KLF12: variants seen among roughly 807,000 people sequenced by gnomAD.
KLF12 encodes the protein Krueppel-like factor 12.
KLF12 carries 9 observed loss-of-function variants against 37.8 expected under a neutral mutation model. The ratio of observed to expected loss-of-function variants is 0.24; its 90% CI spans 0.14 to 0.42. The LOEUF is 0.42. KLF12 is among the 10% of genes least tolerant of loss of function. The pLI is 1.00. For synonymous variants in KLF12, 208 were observed against 202.1 expected, an observed-to-expected ratio of 1.03 and a Z score of -0.25; for missense variants, 411 against 516.0, an observed-to-expected ratio of 0.80 and a Z score of 1.97.
the KLF12 span, among the ~76,000 whole-genome samples, chr13:74,260,628 T>TAAAATAAAATAAAATAAAG: frequency 2.1e-5 from 3 of 139,992 alleles, no homozygotes; most frequent in Non-Finnish European, 4.6e-5. Context: ...TAAAATAAAA[T>TAAAATAAAATAAAATAAAG]AGTGAATTAA....
intron 2 of KLF12, 36 bp downstream of exon 2, chr13:73,994,954 T>C (rs1593814606): frequency 1.4e-6 from 2 of 1,402,848 alleles, no homozygotes; most frequent in South Asian, 1.2e-5. Flanking sequence ...AAAGTAGCAA[T>C]ATTTTCAATG....
chr13:74,107,940 T>G (rs927685939), intron 1 of KLF12, among the ~76,000 whole-genome samples: 1 of 152,224 alleles, frequency 6.6e-6, no homozygotes, highest in South Asian at 2.1e-4. Context: ...ATTAGACAAT[T>G]TGTCTTAGTA....
At chr13:74,209,407 A>T in the KLF12 span, among the ~76,000 whole-genome samples, 1 of 152,062 alleles carries the variant, frequency 6.6e-6, no homozygotes, top group Non-Finnish European at 1.5e-5. Context: ...ATTTTTAGCC[A>T]TTTCTGATTC....
At chr13:73,962,998 C>T (rs1891065050) in intron 2 of KLF12, among the ~76,000 whole-genome samples, 1 of 152,044 alleles carries the variant, frequency 6.6e-6, no homozygotes, top group Admixed American at 6.6e-5. Flanking sequence ...TTCTATCACC[C>T]CACATTACTT....
chr13:74,017,496 C>T (rs1286652273), intron 1 of KLF12, among the ~76,000 whole-genome samples: 1 of 151,254 alleles, frequency 6.6e-6, no homozygotes, highest in Non-Finnish European at 1.5e-5. Context: ...ACAGGATTAA[C>T]ACTGCCATAA....
At chr13:73,908,294 C>T (rs1332256342) in intron 3 of KLF12, among the ~76,000 whole-genome samples, 3 of 150,024 alleles carry the variant, frequency 2.0e-5, no homozygotes, top group Non-Finnish European at 3.0e-5. Context: ...CCAAGCTACT[C>T]GGGAGGCTGA....
chr13:74,039,645 G>T (rs1044469878), intron 1 of KLF12, among the ~76,000 whole-genome samples: 4 of 152,124 alleles, frequency 2.6e-5, no homozygotes, highest in Admixed American at 2.0e-4. Context: ...TGGCCTTAAA[G>T]ATTTATTACA....
chr13:74,052,821 C>A (rs1490796501), intron 1 of KLF12, among the ~76,000 whole-genome samples: 1 of 152,162 alleles, frequency 6.6e-6, no homozygotes, highest in Non-Finnish European at 1.5e-5. Context: ...GGCTCTCTCT[C>A]CCCTGTGTAT....
chr13:74,164,571 A>G, the KLF12 span, among the ~76,000 whole-genome samples: 1 of 152,218 alleles, frequency 6.6e-6, no homozygotes, highest in African/African-American at 2.4e-5. Flanking sequence ...AATTCCTGAG[A>G]TGTATGTTCT....
chr13:74,180,439 G>C, the KLF12 span, among the ~76,000 whole-genome samples: 1 of 152,246 alleles, frequency 6.6e-6, no homozygotes, highest in African/African-American at 2.4e-5. Flanking sequence ...TTAGCATTTG[G>C]CTTTCCTGAA....
chr13:74,206,868 A>G, the KLF12 span, among the ~76,000 whole-genome samples: 1 of 152,226 alleles, frequency 6.6e-6, no homozygotes, highest in East Asian at 1.9e-4. Flanking sequence ...AACATTTGGC[A>G]TCTGCCTCCT....
chr13:74,105,542 G>T (rs943508757), intron 1 of KLF12, among the ~76,000 whole-genome samples: 22 of 152,014 alleles, frequency 1.4e-4, no homozygotes, highest in Admixed American at 5.9e-4. Flanking sequence ...TCCTGAAAAG[G>T]TAAGCAAGGG....
At chr13:73,890,846 C>T (rs1465046670) in intron 3 of KLF12, among the ~76,000 whole-genome samples, 1 of 152,046 alleles carries the variant, frequency 6.6e-6, no homozygotes, top group Non-Finnish European at 1.5e-5. Flanking sequence ...TTCCTTAGTC[C>T]TTTTCTGCCT....
the KLF12 span, among the ~76,000 whole-genome samples, chr13:74,228,201 T>A: frequency 1.3e-5 from 2 of 152,176 alleles, no homozygotes; most frequent in African/African-American, 4.8e-5. Flanking sequence ...CTTCCTCTTC[T>A]ACATTTTGCT....
chr13:74,044,486 TA>T (rs374087642), intron 1 of KLF12, among the ~76,000 whole-genome samples: 17 of 150,760 alleles, frequency 1.1e-4, no homozygotes, highest in African/African-American at 3.2e-4. Flanking sequence ...GAAGTACAAT[TA>T]AAAAAAAATG....
chr13:74,137,205 C>T (rs979206434), upstream of KLF12, among the ~76,000 whole-genome samples: 10 of 152,134 alleles, frequency 6.6e-5, no homozygotes, highest in African/African-American at 2.4e-4. Context: ...TCTGTGTTTG[C>T]AGAGATGTGA....
At chr13:73,830,991 TACACACACAC>T (rs71115618) in intron 4 of KLF12, among the ~76,000 whole-genome samples, 18 of 118,930 alleles carry the variant, frequency 1.5e-4, no homozygotes, top group East Asian at 2.1e-4. Flanking sequence ...ACGCAATTCA[TACACACACAC>T]ACACACACAC....
rs78133136 is a variant in KLF12, at chr13:73,976,754, G to C, written c.33+18236C>G. Among the ~76,000 whole-genome samples, 1,081 of 152,302 alleles carry C rather than the reference G, an allele frequency of 7.1e-3. 12 individuals carry two copies. Among genetic ancestry groups the C allele is most frequent in the African/African-American group, 0.024 (1,006 of 41,578 alleles). On this transcript the variant is annotated intron_variant, in intron 2 of 7. Coordinates refer to ENST00000377669, the MANE Select transcript of KLF12 (RefSeq NM_007249.5). ...AGACTAACAGGCATTTAGGTAAGAT[G>C]CATTACAAGGAGGATCACTAAGCAA...
chr13:73,758,295 T>C (rs1295208593), intron 6 of KLF12, among the ~76,000 whole-genome samples: 1 of 152,174 alleles, frequency 6.6e-6, no homozygotes, highest in Non-Finnish European at 1.5e-5. Flanking sequence ...TAAGAAGCAG[T>C]AGTTTAAGCA....
Sources: allele counts gnomAD v4.1 joint callset (sites outside exome capture counted in the v4.1 genomes callset), GRCh38; gene constraint gnomAD v4.1.1; transcripts MANE v1.5; gene names NCBI Gene and HGNC (gene_info 2026-07-23, HGNC 2026-07-21).